Variants in ATXN1L observed in about 807,000 individuals in gnomAD.
ATXN1L encodes ataxin 1 like, also known as ataxin-1-like.
In ATXN1L, 8 loss-of-function variants were observed where a neutral mutation model predicts 43.4. That is an observed-to-expected ratio of 0.18 (90% CI 0.11 to 0.33). The LOEUF is 0.33. Among genes scored for constraint, ATXN1L ranks in the 10% least tolerant of loss-of-function variants. The pLI is 1.00. For synonymous variants in ATXN1L, 379 were observed against 360.6 expected (o/e 1.05, Z -0.58); for missense variants, 856 against 885.4 (o/e 0.97, Z 0.42).
rs1177551293 is a variant in ATXN1L at position 71,850,486 on chromosome 16, G to A, written c.746G>A (p.Gly249Asp). The A allele has an allele frequency of 6.4e-7, 1 of 1,551,590 alleles. No homozygotes were observed. Among genetic ancestry groups the A allele is most frequent in the African/African-American group, 1.4e-5 (1 of 73,038 alleles). ...GYTLHETPPA[G>D]ASPVLTPQES... ...ACTTTGCATGAAACCCCTCCAGCAG[G>A]TGCCAGCCCAGTTCTTACCCCTCAG... is the stretch of plus-strand genomic sequence containing the variant. Residue 249 changes from glycine (G) to aspartate (D), a missense_variant, in exon 3 of 3, where the codon GGT becomes GAT. This residue lies in a region of ATXN1L where 490 missense variants were observed against 449.4 expected (regional missense o/e 1.09). Transcript: ENST00000427980.
Position 71,851,896 on chromosome 16 carries a change from C to T in ATXN1L, c.*86C>T. ...AGGCAGAGGATTTGCACACGCCGAG[C>T]AGGGAATGGCTTTCTTGGCAGTGAG... On this transcript the variant is annotated 3_prime_UTR_variant, in exon 3 of 3. Coordinates refer to ENST00000427980, the MANE Select transcript of ATXN1L (RefSeq NM_001137675.4). This position sits in a 1 kb window ranked among gnomAD's most constrained non-coding sequence, Gnocchi z 4.9. The T allele has an allele frequency of 7.6e-7, 1 of 1,318,840 alleles. No homozygotes were observed. 81.7% of individuals were successfully genotyped at this position (1,318,840 alleles called of 1,614,324 possible).
Position 71,855,371 on chromosome 16 carries a change from C to T in ATXN1L, c.*3561C>T, listed in dbSNP as rs2033541804. On this transcript the variant is annotated 3_prime_UTR_variant, in exon 3 of 3. Coordinates refer to ENST00000427980, the MANE Select transcript of ATXN1L (RefSeq NM_001137675.4). Reference sequence around the variant, plus strand: ...TCTTTCCTTTGTGGTATCTTGTATCCTGTTTTAAAAACTAAATGAAGGGAA... The same window carrying T: ...TCTTTCCTTTGTGGTATCTTGTATCTTGTTTTAAAAACTAAATGAAGGGAA... 1.2e-5 allele frequency: 2 copies of T among 167,056 alleles called. No individual in the cohort carries two copies. The highest frequency in any genetic ancestry group is 2.1e-4 in the South Asian group (1 of 4,828). 10.3% of individuals were successfully genotyped at this position (167,056 alleles called of 1,614,324 possible).
rs2033439443 is a variant in ATXN1L, at chr16:71,846,118, G to A, written c.-180+14G>A. 5.3e-6 allele frequency: 1 copy of A among 188,822 alleles called. No individual in the cohort carries two copies. Among genetic ancestry groups the A allele is most frequent in the South Asian group, 6.6e-5 (1 of 15,040 alleles). 11.7% of individuals were successfully genotyped at this position (188,822 alleles called of 1,614,324 possible). A position where few individuals can be genotyped will look rare whatever the true frequency, so the allele number is the denominator to read the frequency against. ...TGAAATGGGCTGGTGAGTGTCCCTG[G>A]AAGTGGTGGCCGCCGGGGCCAGGCA... On this transcript the variant is annotated intron_variant, in intron 1 of 2. Coordinates refer to ENST00000427980, the MANE Select transcript of ATXN1L (RefSeq NM_001137675.4).
Position 71,849,694 on chromosome 16 carries a change from G to A in ATXN1L, c.-47G>A. ...CAGAGAAGCCCCTTCTGATGCCCCA[G>A]GGAGCAAGTCGACTCCTTCCAGGCT... On this transcript the variant is annotated 5_prime_UTR_variant, in exon 3 of 3. Transcript: ENST00000427980. 1 of 1,456,906 alleles carries A rather than the reference G, an allele frequency of 6.9e-7. No homozygotes were observed. Among genetic ancestry groups the A allele is most frequent in the Non-Finnish European group, 9.1e-7 (1 of 1,101,562 alleles). The allele number at this position is 1,456,906 out of a possible 1,614,324, so 90.2% of individuals were successfully genotyped here.
chr16:71,849,075 G>T (rs1021198316), intron 2 of ATXN1L, among the ~76,000 whole-genome samples: 1 of 151,920 alleles, frequency 6.6e-6, no homozygotes, highest in Non-Finnish European at 1.5e-5. Context: ...TTAGCCAGGC[G>T]TGGTGGTGCA....
In ATXN1L at chr16:71,851,029, T is replaced by C. The variant is rs1223478079; in HGVS notation, c.1289T>C (p.Leu430Pro). ...LVPTGTDSGL[L>P]PVGSEILVAS... ...CCCACTGGAACTGACTCAGGCCTGC[T>C]GCCTGTGGGCTCGGAGATCCTGGTA... The change falls in exon 3 of 3, where the codon CTG (leucine) becomes CCG (proline). Residue 430 changes from leucine (L) to proline (P), a missense_variant. By Grantham distance (98) the Leu-to-Pro change is moderately conservative. Around this residue, in one of 7 missense-constraint regions of ATXN1L, gnomAD observed 490 missense variants for 449.4 expected, o/e 1.09. Transcript: ENST00000427980. This position sits in a 1 kb window ranked among gnomAD's most constrained non-coding sequence, Gnocchi z 4.9. The C allele has an allele frequency of 6.4e-7, 1 of 1,551,694 alleles. No homozygotes were observed. Among genetic ancestry groups the C allele is most frequent in the Non-Finnish European group, 8.7e-7 (1 of 1,146,970 alleles).
intron 1 of ATXN1L, among the ~76,000 whole-genome samples, chr16:71,847,299 G>T (rs915226804): frequency 6.6e-6 from 1 of 151,962 alleles, no homozygotes; most frequent in African/African-American, 2.4e-5. Flanking sequence ...ACATAGTGAT[G>T]GTTTAGTGGT....
Position 71,851,774 on chromosome 16 carries a change from G to C in ATXN1L, c.2034G>C (p.Lys678Asn). 6.9e-7 allele frequency: 1 copy of C among 1,443,570 alleles called. No individual in the cohort carries two copies. The highest frequency in any genetic ancestry group is 9.1e-7 in the Non-Finnish European group (1 of 1,093,702). The allele number at this position is 1,443,570 out of a possible 1,614,324, so 89.4% of individuals were successfully genotyped here. ...LRPSFIPQEV[K>N]LSIEGRSNAG... ...CCTCTTTCATTCCACAGGAGGTAAA[G>C]CTGTCCATTGAAGGGCGTTCCAATG... Residue 678 changes from lysine (K) to asparagine (N), a missense_variant, in exon 3 of 3, where the codon AAG (lysine) becomes AAC (asparagine). This residue lies in a region of ATXN1L where 185 missense variants were observed against 176.8 expected (regional missense o/e 1.05). Transcript: ENST00000427980. The surrounding 1 kb of genome is among the most constrained non-coding windows in gnomAD (Gnocchi z 4.9).
Position 71,850,502 on chromosome 16 carries a change from T to C in ATXN1L, c.762T>C (p.Leu254=). ...CTCCAGCAGGTGCCAGCCCAGTTCT[T>C]ACCCCTCAGGAGAGCCAGTCTGCTC... is the stretch of plus-strand genomic sequence containing the variant. The part of the protein sequence containing the change: ...ETPPAGASPV[L]TPQESQSALE... The change falls in exon 3 of 3, where the codon CTT becomes CTC. Residue 254 remains leucine (L), a synonymous_variant. Transcript: ENST00000427980. 1 of 1,551,736 alleles carries C rather than the reference T, an allele frequency of 6.4e-7. No individual in the cohort carries two copies. Among genetic ancestry groups the C allele is most frequent in the East Asian group, 2.4e-5 (1 of 40,916 alleles).
chr16:71,856,739 G>C lies in ATXN1L; in HGVS notation c.*4929G>C, dbSNP rs2033555747. The C allele has an allele frequency of 1.2e-5, 2 of 167,134 alleles. No homozygotes were observed. The highest frequency in any genetic ancestry group is 4.8e-5 in the African/African-American group (2 of 41,448). The allele number at this position is 167,134 out of a possible 1,614,324, so 10.4% of individuals were successfully genotyped here. A position where few individuals can be genotyped will look rare whatever the true frequency, so the allele number is the denominator to read the frequency against. On this transcript the variant is annotated 3_prime_UTR_variant, in exon 3 of 3. Coordinates refer to ENST00000427980, the MANE Select transcript of ATXN1L (RefSeq NM_001137675.4). ...ATGATCCAGCTGCAGAGAGCAGACT[G>C]CTCTCAGCTTGCACAGCACCTTAGG...
Position 71,851,306 on chromosome 16 carries a change from C to T in ATXN1L, c.1566C>T (p.Val522=), listed in dbSNP as rs2033499746. The T allele has an allele frequency of 6.4e-7, 1 of 1,551,676 alleles. No homozygotes were observed. Among genetic ancestry groups the T allele is most frequent in the Middle Eastern group, 1.7e-4 (1 of 5,992 alleles). Reference sequence around the variant, plus strand: ...AGGAGAGCCAATGGCCTGGATTTGTCATGCTGCATTTTGTGGTTGGTGAGC... The same window carrying T: ...AGGAGAGCCAATGGCCTGGATTTGTTATGCTGCATTTTGTGGTTGGTGAGC... The part of the protein sequence containing the change: ...DIQESQWPGF[V]MLHFVVGEQQ... The change falls in exon 3 of 3, where the codon GTC becomes GTT. Residue 522 remains valine, a synonymous_variant. Transcript: ENST00000427980. The surrounding 1 kb of genome is among the most constrained non-coding windows in gnomAD (Gnocchi z 4.9).
rs754373459 is a variant in ATXN1L, at chr16:71,849,835, G to T, written c.95G>T (p.Cys32Phe). ...TSEDMGRTTS[C>F]STNHTPSSDA... Reference sequence around the variant, plus strand: ...GAGGATATGGGGAGAACTACCAGCTGCTCCACTAACCACACACCCTCCAGT... The same window carrying T: ...GAGGATATGGGGAGAACTACCAGCTTCTCCACTAACCACACACCCTCCAGT... The change falls in exon 3 of 3, where the codon TGC becomes TTC. Residue 32 changes from cysteine to phenylalanine, a missense_variant. Transcript: ENST00000427980. 5 of 1,551,190 alleles carry T rather than the reference G, an allele frequency of 3.2e-6. No homozygotes were observed. Among genetic ancestry groups the T allele is most frequent in the Non-Finnish European group, 4.4e-6 (5 of 1,146,794 alleles).
intron 1 of ATXN1L, among the ~76,000 whole-genome samples, chr16:71,847,261 G>A (rs778725400): frequency 3.9e-5 from 6 of 152,118 alleles, no homozygotes; most frequent in Non-Finnish European, 8.8e-5. Flanking sequence ...ATTCTTTCTC[G>A]CTTTGCGTTT....
Position 71,851,052 on chromosome 16 carries a change from G to A in ATXN1L, c.1312G>A (p.Val438Ile), listed in dbSNP as rs1452477213. The part of the protein sequence containing the change: ...GLLPVGSEIL[V>I]ASSLDVQARA... ...GCTGCCTGTGGGCTCGGAGATCCTG[G>A]TAGCATCAAGTCTGGACGTGCAGGC... is the stretch of plus-strand genomic sequence containing the variant. The change falls in exon 3 of 3, where the codon GTA (valine) becomes ATA (isoleucine). Residue 438 changes from valine to isoleucine, a missense_variant. Physicochemically the swap from Val to Ile is conservative, Grantham distance 29. Coordinates refer to ENST00000427980, the MANE Select transcript of ATXN1L (RefSeq NM_001137675.4). This position sits in a 1 kb window ranked among gnomAD's most constrained non-coding sequence, Gnocchi z 4.9. 6.4e-7 allele frequency: 1 copy of A among 1,551,652 alleles called. No homozygotes were observed. The highest frequency in any genetic ancestry group is 8.7e-7 in the Non-Finnish European group (1 of 1,146,994).
Position 71,850,104 on chromosome 16 carries a change from A to G in ATXN1L, c.364A>G (p.Ile122Val). 6.4e-7 allele frequency: 1 copy of G among 1,551,662 alleles called. No homozygotes were observed. Among genetic ancestry groups the G allele is most frequent in the Non-Finnish European group, 8.7e-7 (1 of 1,146,984 alleles). The change falls in exon 3 of 3, where the codon ATC (isoleucine) becomes GTC (valine). Residue 122 changes from isoleucine to valine, a missense_variant. Physicochemically the swap from Ile to Val is conservative, Grantham distance 29. Around this residue, in one of 7 missense-constraint regions of ATXN1L, gnomAD observed 490 missense variants for 449.4 expected, o/e 1.09. Transcript: ENST00000427980. The part of the protein sequence containing the change: ...VASSLIQHPG[I>V]HYPPLHYAQL... ...GTCTTCACTAATTCAACATCCAGGCATCCACTATCCTCCACTCCACTATGC... is the reference window on the plus strand; with the variant it reads ...GTCTTCACTAATTCAACATCCAGGCGTCCACTATCCTCCACTCCACTATGC...
chr16:71,847,382 C>G (rs2033453628), intron 1 of ATXN1L, among the ~76,000 whole-genome samples: 1 of 152,096 alleles, frequency 6.6e-6, no homozygotes, highest in South Asian at 2.1e-4. Context: ...CCTGATTCAG[C>G]ACTTGGTATA....
In ATXN1L at chr16:71,850,043, G is replaced by T; in HGVS notation, c.303G>T (p.Val101=). Residue 101 remains valine (V), a synonymous_variant, in exon 3 of 3, where the codon GTG becomes GTT. Coordinates refer to ENST00000427980, the MANE Select transcript of ATXN1L (RefSeq NM_001137675.4). ...TFSPTGLPSV[V]NMSPLPPTFN... ...CACCAACTGGACTCCCATCTGTGGT[G>T]AATATGAGTCCCTTGCCCCCAACGT... 1 of 1,551,666 alleles carries T rather than the reference G, an allele frequency of 6.4e-7. No homozygotes were observed. Among genetic ancestry groups the T allele is most frequent in the South Asian group, 1.2e-5 (1 of 84,062 alleles).
In ATXN1L at chr16:71,850,529, G is replaced by T; in HGVS notation, c.789G>T (p.Leu263=). 1 of 1,551,740 alleles carries T rather than the reference G, an allele frequency of 6.4e-7. No homozygotes were observed. The highest frequency in any genetic ancestry group is 8.7e-7 in the Non-Finnish European group (1 of 1,147,002). The part of the protein sequence containing the change: ...VLTPQESQSA[L]EAAAANGGQR... ...CCCCTCAGGAGAGCCAGTCTGCTCTGGAAGCAGCTGCTGCAAATGGAGGAC... is the reference window on the plus strand; with the variant it reads ...CCCCTCAGGAGAGCCAGTCTGCTCTTGAAGCAGCTGCTGCAAATGGAGGAC... Residue 263 remains leucine, a synonymous_variant, in exon 3 of 3, where the codon CTG becomes CTT. Coordinates refer to ENST00000427980, the MANE Select transcript of ATXN1L (RefSeq NM_001137675.4).
intron 1 of ATXN1L, 105 bp from the exon 2 acceptor site, chr16:71,847,905 C>G (rs2095857393): frequency 2.9e-6 from 1 of 348,734 alleles, no homozygotes; most frequent in Non-Finnish European, 5.8e-6. Flanking sequence ...GAAGATGAGG[C>G]AAGGACGTGT....
Sources: allele counts gnomAD v4.1 joint callset (sites outside exome capture counted in the v4.1 genomes callset), GRCh38; gene constraint gnomAD v4.1.1; regional missense constraint gnomAD v4.1.1; non-coding constraint Gnocchi (gnomAD v3.1); transcripts MANE v1.5; gene names NCBI Gene and HGNC (gene_info 2026-07-23, HGNC 2026-07-21).